The following ZFAND4 variants were observed in gnomAD, a reference collection of about 807,000 sequenced individuals.
ZFAND4 encodes zinc finger AN1-type containing 4, also known as AN1-type zinc finger protein 4.
In ZFAND4, 43 loss-of-function variants were observed where a neutral mutation model predicts 64.4. That is an observed-to-expected ratio of 0.67 (90% CI 0.52 to 0.86). The LOEUF is 0.86. ZFAND4 is among the 40% of genes least tolerant of loss of function. The pLI is 0.00. For missense variants in ZFAND4, 929 were observed against 859.8 expected (o/e 1.08, Z -1.01); for synonymous variants, 296 against 305.7 (o/e 0.97, Z 0.33).
rs977820410 is a variant in ZFAND4, at chr10:45,642,374, G to A, written c.570-2411C>T. Among the ~76,000 whole-genome samples the A allele has an allele frequency of 7.2e-5, 11 of 152,144 alleles. No individual in the cohort carries two copies. The East Asian group carries it at 1.9e-3, about 27-fold the overall frequency. The stretch of plus-strand genomic sequence containing the variant: ...TGTAATCCCAGCACTTTGGGAGGCC[G>A]AGGCGGGTGGATCACGAGGTCAGGA... On this transcript the variant is annotated intron_variant, in intron 5 of 9. Coordinates refer to ENST00000344646, the MANE Select transcript of ZFAND4 (RefSeq NM_174890.4).
In ZFAND4 at chr10:45,626,800, T is replaced by A; in HGVS notation, c.1023A>T (p.Ile341=). 1 of 1,614,128 alleles carries A rather than the reference T, an allele frequency of 6.2e-7. No individual in the cohort carries two copies. Among genetic ancestry groups the A allele is most frequent in the Non-Finnish European group, 8.5e-7 (1 of 1,180,022 alleles). The change falls in exon 7 of 10, where the codon ATA becomes ATT. Residue 341 remains isoleucine (I), a synonymous_variant. Coordinates refer to ENST00000344646, the MANE Select transcript of ZFAND4 (RefSeq NM_174890.4). Reference sequence around the variant, plus strand: ...GGTCATTTCCCAACTCCAAATGGGGTATCTGAGGAGGTAGTTTGACGTTGC... The same window carrying A: ...GGTCATTTCCCAACTCCAAATGGGGAATCTGAGGAGGTAGTTTGACGTTGC... ...FSSNVKLPPQ[I]PHLELGNDQE... is the part of the protein sequence containing the mutation.
At chr10:45,645,449 GT>G (rs975335721) in intron 5 of ZFAND4, among the ~76,000 whole-genome samples, 8 of 151,772 alleles carry the variant, frequency 5.3e-5, no homozygotes, top group African/African-American at 1.7e-4. Flanking sequence ...GTTTTATTAT[GT>G]TTTTTTTAGC....
chr10:45,663,271 T>C (rs1483390784), intron 2 of ZFAND4, among the ~76,000 whole-genome samples: 1 of 152,216 alleles, frequency 6.6e-6, no homozygotes, highest in Non-Finnish European at 1.5e-5. Flanking sequence ...CAGGTCACCA[T>C]AACCTGCTGA....
intron 1 of ZFAND4, among the ~76,000 whole-genome samples, chr10:45,668,700 C>T (rs1459477723): frequency 1.3e-5 from 2 of 152,232 alleles, no homozygotes; most frequent in Admixed American, 6.5e-5. Flanking sequence ...CAAACTGTCT[C>T]TCAGACCACA....
At chr10:45,670,577 T>C (rs113325959) in intron 1 of ZFAND4, among the ~76,000 whole-genome samples, 9,193 of 152,270 alleles carry the variant, frequency 0.06, 409 homozygotes, top group African/African-American at 0.13. Flanking sequence ...AAACAAGACG[T>C]AGGGAAATGA....
chr10:45,661,933 G>A (rs1295498882), intron 2 of ZFAND4, among the ~76,000 whole-genome samples: 1 of 144,758 alleles, frequency 6.9e-6, no homozygotes, highest in Non-Finnish European at 1.5e-5. Context: ...GCAAAACTCC[G>A]TCTCGAAGAA....
At position 45,669,788 on chromosome 10, in the gene ZFAND4, T is replaced by G. The variant is rs373271614; in HGVS notation, c.-118+2462A>C. ...GAGCCAATGACAAAAACCACATGAT[T>G]ATCTTAATAGATGCAGAAAAGGCCT... On this transcript the variant is annotated intron_variant, in intron 1 of 9. Transcript: ENST00000344646. Among the ~76,000 whole-genome samples, 16 of 152,334 alleles carry G rather than the reference T, an allele frequency of 1.1e-4. No individual in the cohort carries two copies. In the East Asian group the frequency reaches 2.7e-3, roughly 26 times the overall value.
At chr10:45,653,212 T>C (rs937478908) in intron 2 of ZFAND4, among the ~76,000 whole-genome samples, 153 bp from the exon 3 acceptor site, 12 of 152,200 alleles carry the variant, frequency 7.9e-5, no homozygotes, top group Non-Finnish European at 1.8e-4. Flanking sequence ...TACAGAATCA[T>C]AGGTAGAAGG....
At chr10:45,660,988 A>C (rs1327767685) in intron 2 of ZFAND4, among the ~76,000 whole-genome samples, 1 of 152,168 alleles carries the variant, frequency 6.6e-6, no homozygotes, top group Non-Finnish European at 1.5e-5. Flanking sequence ...TTGCCAGTGG[A>C]CCCATATTGC....
At chr10:45,635,946 G>A (rs2046568220) in intron 6 of ZFAND4, among the ~76,000 whole-genome samples, 1 of 152,064 alleles carries the variant, frequency 6.6e-6, no homozygotes, top group African/African-American at 2.4e-5. Context: ...AGATAAATAA[G>A]TGTTCATGGT....
intron 8 of ZFAND4, among the ~76,000 whole-genome samples, chr10:45,623,249 C>T: frequency 6.6e-6 from 1 of 152,152 alleles, no homozygotes; most frequent in Non-Finnish European, 1.5e-5. Context: ...CCTTCTGATC[C>T]CGCAATTTCA....
intron 2 of ZFAND4, 33 bp downstream of exon 2, chr10:45,663,509 T>G: frequency 6.6e-7 from 1 of 1,520,102 alleles, no homozygotes; most frequent in Non-Finnish European, 8.9e-7. Context: ...CAAATTTAAT[T>G]TTCATATCCT....
intron 5 of ZFAND4, among the ~76,000 whole-genome samples, chr10:45,642,675 T>C (rs1687739776): frequency 6.6e-6 from 1 of 151,454 alleles, no homozygotes; most frequent in East Asian, 1.9e-4. Context: ...AAAACACTTT[T>C]AAATTCACCT....
chr10:45,656,409 T>C (rs2048106653), intron 2 of ZFAND4, among the ~76,000 whole-genome samples: 1 of 143,580 alleles, frequency 7.0e-6, no homozygotes, highest in Non-Finnish European at 1.5e-5. Context: ...CTGGCCAATA[T>C]GGTGAAACCC....
intron 5 of ZFAND4, among the ~76,000 whole-genome samples, chr10:45,644,891 G>A (rs1188213923): frequency 6.6e-6 from 1 of 151,458 alleles, no homozygotes; most frequent in Non-Finnish European, 1.5e-5. Flanking sequence ...AACTTTAAGT[G>A]AACTCTGCTA....
At chr10:45,624,952 G>A (rs78628569) in intron 7 of ZFAND4, among the ~76,000 whole-genome samples, 9,082 of 151,902 alleles carry the variant, frequency 0.06, 395 homozygotes, top group African/African-American at 0.12. Flanking sequence ...AGCTGTGATT[G>A]CACCACTGTG....
chr10:45,669,919 A>G (rs1812392936), intron 1 of ZFAND4, among the ~76,000 whole-genome samples: 1 of 152,206 alleles, frequency 6.6e-6, no homozygotes, highest in African/African-American at 2.4e-5. Flanking sequence ...CTCACAGCCA[A>G]TATCATAGTG....
At chr10:45,664,204 T>C (rs2133859362) in intron 1 of ZFAND4, among the ~76,000 whole-genome samples, 1 of 152,278 alleles carries the variant, frequency 6.6e-6, no homozygotes, top group Non-Finnish European at 1.5e-5. Flanking sequence ...ATTCATATCC[T>C]TTTCTAAAAC....
chr10:45,620,212 G>A (rs751626892), intron 8 of ZFAND4, among the ~76,000 whole-genome samples: 3 of 151,964 alleles, frequency 2.0e-5, no homozygotes, highest in Non-Finnish European at 4.4e-5. Flanking sequence ...GGCTGGGCGC[G>A]GTGGCTCACA....
Sources: allele counts gnomAD v4.1 joint callset (sites outside exome capture counted in the v4.1 genomes callset), GRCh38; gene constraint gnomAD v4.1.1; transcripts MANE v1.5; gene names NCBI Gene and HGNC (gene_info 2026-07-23, HGNC 2026-07-21).